Variants in NPC2 observed in about 807,000 individuals in gnomAD.
NPC2 encodes Niemann-Pick disease type C2 protein.
NPC2 carries 14 observed loss-of-function variants against 17.0 expected under a neutral mutation model. The observed-to-expected ratio is 0.82, with a 90% CI of 0.54 to 1.29. The LOEUF (loss-of-function observed/expected upper bound fraction) is 1.29. Ranked by LOEUF, NPC2 falls within the 50% of genes most tolerant of loss-of-function variation. The pLI is 0.00. For missense variants in NPC2, 167 were observed against 183.4 expected (o/e 0.91, Z 0.52); for synonymous variants, 75 against 69.3 (o/e 1.08, Z -0.41).
intron 2 of NPC2, among the ~76,000 whole-genome samples, chr14:74,485,438 G>C (rs2086702689): frequency 6.6e-6 from 1 of 151,766 alleles, no homozygotes; most frequent in Non-Finnish European, 1.5e-5. Flanking sequence ...AGACTTATGA[G>C]TTATTAGGGT....
chr14:74,493,074 C>T lies in NPC2; in HGVS notation c.82+119G>A. On this transcript the variant is annotated intron_variant, in intron 1 of 4. Coordinates refer to ENST00000555619, the MANE Select transcript of NPC2 (RefSeq NM_006432.5). The surrounding 1 kb of genome is among the most constrained non-coding windows in gnomAD (Gnocchi z 4.1). ...CAGCCCATTCCAGTTAGGTAGGGTCCAAGGCTCAGCCTGGCCGCCCGAGGG... is the reference window on the plus strand; with the variant it reads ...CAGCCCATTCCAGTTAGGTAGGGTCTAAGGCTCAGCCTGGCCGCCCGAGGG... 7.5e-7 allele frequency: 1 copy of T among 1,328,548 alleles called. No homozygotes were observed. Among genetic ancestry groups the T allele is most frequent in the South Asian group, 1.3e-5 (1 of 74,152 alleles). 82.3% of individuals were successfully genotyped at this position (1,328,548 alleles called of 1,614,324 possible).
chr14:74,490,323 T>G (rs942473767), intron 1 of NPC2, among the ~76,000 whole-genome samples: 7 of 152,226 alleles, frequency 4.6e-5, no homozygotes, highest in Admixed American at 1.3e-4. Flanking sequence ...GCTAGGTCAG[T>G]AAATAGTACC....
intron 1 of NPC2, among the ~76,000 whole-genome samples, chr14:74,490,900 A>G (rs939085766): frequency 6.6e-6 from 1 of 152,176 alleles, no homozygotes; most frequent in Non-Finnish European, 1.5e-5. Context: ...GCTTTTTCAA[A>G]TAAGTAGAAT....
intron 1 of NPC2, among the ~76,000 whole-genome samples, chr14:74,488,188 C>A (rs1010048976): frequency 6.6e-6 from 1 of 152,158 alleles, no homozygotes; most frequent in Non-Finnish European, 1.5e-5. Context: ...CTCTTTCTAT[C>A]GTAGAGGTTC....
chr14:74,488,465 C>T (rs949444321), intron 1 of NPC2, among the ~76,000 whole-genome samples: 1 of 152,170 alleles, frequency 6.6e-6, no homozygotes, highest in South Asian at 2.1e-4. Flanking sequence ...CCTATAATCC[C>T]AGCACTTTGG....
chr14:74,492,818 G>T (rs1415773847), intron 1 of NPC2, among the ~76,000 whole-genome samples: 2 of 152,208 alleles, frequency 1.3e-5, no homozygotes, highest in African/African-American at 4.8e-5. Context: ...GAGTTGGAAG[G>T]GGGAGGCGGG....
intron 3 of NPC2, chr14:74,483,476 C>G: frequency 1.3e-6 from 2 of 1,563,106 alleles, no homozygotes; most frequent in East Asian, 2.2e-5. Context: ...GGAAAAGAAA[C>G]AGCCTAAAAA....
chr14:74,493,300 G>T lies in NPC2; in HGVS notation c.-26C>A, dbSNP rs1351236834. 6.2e-7 allele frequency: 1 copy of T among 1,608,736 alleles called. No homozygotes were observed. Among genetic ancestry groups the T allele is most frequent in the African/African-American group, 1.3e-5 (1 of 74,872 alleles). On this transcript the variant is annotated 5_prime_UTR_variant, in exon 1 of 5. Transcript: ENST00000555619. The surrounding 1 kb of genome is among the most constrained non-coding windows in gnomAD (Gnocchi z 4.1). The stretch of plus-strand genomic sequence containing the variant: ...CGCGGATAACGAAGTTCCAAGCTCG[G>T]GAAAGAAGCAGCGGCCGCCCGCGGT...
At chr14:74,485,397 G>A (rs2086702152) in intron 2 of NPC2, among the ~76,000 whole-genome samples, 1 of 151,262 alleles carries the variant, frequency 6.6e-6, no homozygotes, top group Non-Finnish European at 1.5e-5. Flanking sequence ...ATGGCCAGGA[G>A]GAATAAAGGT....
intron 1 of NPC2, among the ~76,000 whole-genome samples, chr14:74,492,622 G>A (rs1325467274): frequency 6.6e-6 from 1 of 152,160 alleles, no homozygotes; most frequent in South Asian, 2.1e-4. Flanking sequence ...CAACCACAGC[G>A]GCGAGAGGGA....
upstream of NPC2, chr14:74,493,335 A>C (rs1340913408): frequency 1.8e-5 from 29 of 1,583,942 alleles, no homozygotes; most frequent in Non-Finnish European, 2.3e-5. This position sits in a 1 kb window ranked among gnomAD's most constrained non-coding sequence, Gnocchi z 4.1. Flanking sequence ...TCACAAGACA[A>C]ACCTGTCGGG....
chr14:74,484,883 C>T (rs2086693681), intron 2 of NPC2, among the ~76,000 whole-genome samples: 1 of 151,778 alleles, frequency 6.6e-6, no homozygotes, highest in African/African-American at 2.4e-5. Flanking sequence ...TCTAACAAGG[C>T]AACTGATTTT....
At chr14:74,484,277 T>A in intron 3 of NPC2, 138 bp downstream of exon 3, 1 of 904,358 alleles carries the variant, frequency 1.1e-6, no homozygotes, top group South Asian at 1.3e-5. Context: ...ACACCGCACC[T>A]ATCTCCTTTC....
At chr14:74,488,966 G>A (rs2086742008) in intron 1 of NPC2, among the ~76,000 whole-genome samples, 1 of 152,158 alleles carries the variant, frequency 6.6e-6, no homozygotes, top group South Asian at 2.1e-4. Flanking sequence ...TGTTCTTTAA[G>A]GCCCACTTAT....
chr14:74,493,123 G>T lies in NPC2; in HGVS notation c.82+70C>A. Reference sequence around the variant, plus strand: ...GGATCCGCCCAGCCCAGCCCCAGGGGTCTCAGCGCGGGGGTCCGGCGGGGC... The same window carrying T: ...GGATCCGCCCAGCCCAGCCCCAGGGTTCTCAGCGCGGGGGTCCGGCGGGGC... On this transcript the variant is annotated intron_variant, in intron 1 of 4. Transcript: ENST00000555619. This position sits in a 1 kb window ranked among gnomAD's most constrained non-coding sequence, Gnocchi z 4.1. 1.3e-6 allele frequency: 2 copies of T among 1,538,826 alleles called. No homozygotes were observed. Among genetic ancestry groups the T allele is most frequent in the Non-Finnish European group, 1.8e-6 (2 of 1,136,182 alleles).
At chr14:74,487,403 G>T (rs1230595407) in intron 1 of NPC2, among the ~76,000 whole-genome samples, 1 of 151,536 alleles carries the variant, frequency 6.6e-6, no homozygotes, top group Non-Finnish European at 1.5e-5. Flanking sequence ...TGAGTAGCTA[G>T]AACAATAGGC....
intron 2 of NPC2, 76 bp from the exon 3 acceptor site, chr14:74,484,663 A>G (rs988709787): frequency 9.4e-6 from 14 of 1,484,268 alleles, no homozygotes; most frequent in Non-Finnish European, 1.2e-5. Flanking sequence ...TTCAGAAATA[A>G]TCCCAAGCAA....
intron 1 of NPC2, among the ~76,000 whole-genome samples, chr14:74,486,916 T>C (rs1042740358): frequency 1.3e-5 from 2 of 152,154 alleles, no homozygotes; most frequent in Non-Finnish European, 2.9e-5. Flanking sequence ...TAGATTAGCA[T>C]GTAAATCTGA....
In NPC2 at chr14:74,485,294, C is replaced by CAAAAAA. The variant is rs61395005; in HGVS notation, c.191-713_191-708dup. On this transcript the variant is annotated intron_variant, in intron 2 of 4. Transcript: ENST00000555619. ...TGGGTGACAGAGCGAGACTCTGTCA[C>CAAAAAA]AAAAAAAAAAAAAAAAAAAAAAAAA... 3.4e-3 allele frequency among the ~76,000 whole-genome samples: 239 copies of CAAAAAA among 71,332 alleles called. 10 individuals carry two copies. Among genetic ancestry groups the CAAAAAA allele is most frequent in the African/African-American group, 4.6e-3 (59 of 12,908 alleles). The allele number at this position is 71,332 out of a possible 152,430, so 46.8% of individuals were successfully genotyped here.
Sources: allele counts gnomAD v4.1 joint callset (sites outside exome capture counted in the v4.1 genomes callset), GRCh38; gene constraint gnomAD v4.1.1; non-coding constraint Gnocchi (gnomAD v3.1); transcripts MANE v1.5; gene names NCBI Gene and HGNC (gene_info 2026-07-23, HGNC 2026-07-21).